Variants in SPATS2L observed in about 807,000 individuals in gnomAD.
The protein encoded by SPATS2L is spermatogenesis associated serine rich 2 like, also known as SPATS2-like protein.
A neutral mutation model predicts 59.6 loss-of-function variants in SPATS2L; 30 were observed. That is an observed-to-expected ratio of 0.50 (90% CI 0.38 to 0.68). The LOEUF is 0.68. Among genes scored for constraint, SPATS2L ranks in the 30% least tolerant of loss-of-function variants. The pLI is 0.00. For synonymous variants in SPATS2L, 252 were observed against 263.5 expected (o/e 0.96, Z 0.42); for missense variants, 615 against 700.0 (o/e 0.88, Z 1.37).
chr2:200,386,519 G>C (rs1245307258), intron 2 of SPATS2L, among the ~76,000 whole-genome samples: 1 of 152,146 alleles, frequency 6.6e-6, no homozygotes, highest in Non-Finnish European at 1.5e-5. Context: ...CACGTCTTCA[G>C]ATCTCATAAA....
chr2:200,423,012 G>A (rs1265023572), intron 6 of SPATS2L, among the ~76,000 whole-genome samples: 4 of 152,174 alleles, frequency 2.6e-5, no homozygotes, highest in Non-Finnish European at 5.9e-5. Context: ...CTAAAGTGAC[G>A]AGTGGGCAGG....
intron 8 of SPATS2L, among the ~76,000 whole-genome samples, chr2:200,446,838 C>A (rs747017198): frequency 1.3e-5 from 2 of 152,182 alleles, no homozygotes; most frequent in Non-Finnish European, 2.9e-5. Context: ...CATTTCATAA[C>A]AGTGCAGCAG....
intron 2 of SPATS2L, among the ~76,000 whole-genome samples, chr2:200,345,288 G>A (rs1193526231): frequency 6.6e-6 from 1 of 152,104 alleles, no homozygotes; most frequent in African/African-American, 2.4e-5. Flanking sequence ...TTCTGCATAT[G>A]GCTAGCCAGT....
chr2:200,306,705 G>A lies in SPATS2L; in HGVS notation c.-290G>A. On this transcript the variant is annotated 5_prime_UTR_variant, in exon 1 of 13. Coordinates refer to ENST00000409140, the MANE Select transcript of SPATS2L (RefSeq NM_001100423.2). ...GCGGCCGAGCCGGAGTTGTGTCAGT[G>A]AAGGAATCCAGTCCGGGGGCCGAGC... The A allele has an allele frequency of 1.0e-6, 1 of 984,568 alleles. No homozygotes were observed. The highest frequency in any genetic ancestry group is 1.2e-4 in the East Asian group (1 of 8,592). The allele number at this position is 984,568 out of a possible 1,614,324, so 61.0% of individuals were successfully genotyped here. A position where few individuals can be genotyped will look rare whatever the true frequency, so the allele number is the denominator to read the frequency against.
chr2:200,306,218 G>A (rs2105728063), upstream of SPATS2L: 2 of 1,002,154 alleles, frequency 2.0e-6, no homozygotes, highest in East Asian at 1.1e-4. Context: ...TCTCCAGAAA[G>A]CATTACTACC....
intron 1 of SPATS2L, among the ~76,000 whole-genome samples, chr2:200,316,217 G>T (rs2079373194): frequency 6.6e-6 from 1 of 152,106 alleles, no homozygotes; most frequent in South Asian, 2.1e-4. Flanking sequence ...AATCTGATAG[G>T]CAGTGTGACT....
intron 2 of SPATS2L, among the ~76,000 whole-genome samples, chr2:200,360,635 A>T (rs1027331811): frequency 5.3e-5 from 8 of 152,052 alleles, no homozygotes; most frequent in Non-Finnish European, 1.2e-4. Context: ...TCCTTGGGGG[A>T]GGGGAAGCAG....
intron 2 of SPATS2L, among the ~76,000 whole-genome samples, chr2:200,364,534 C>G (rs2081209012): frequency 6.6e-6 from 1 of 152,176 alleles, no homozygotes; most frequent in Admixed American, 6.5e-5. Context: ...GGCCCAGTCA[C>G]TTTAAGGGGA....
chr2:200,421,084 T>A (rs2083291122), intron 6 of SPATS2L, among the ~76,000 whole-genome samples: 2 of 152,202 alleles, frequency 1.3e-5, no homozygotes, highest in African/African-American at 4.8e-5. Context: ...CAGAGCACTG[T>A]GCTAGATGCC....
chr2:200,339,528 A>G (rs1412466445), intron 2 of SPATS2L, among the ~76,000 whole-genome samples: 1 of 152,200 alleles, frequency 6.6e-6, no homozygotes, highest in Non-Finnish European at 1.5e-5. Flanking sequence ...AACATAAATT[A>G]TATTTAATTA....
At chr2:200,340,993 G>A (rs1192127547) in intron 2 of SPATS2L, among the ~76,000 whole-genome samples, 1 of 152,126 alleles carries the variant, frequency 6.6e-6, no homozygotes, top group Non-Finnish European at 1.5e-5. Context: ...TAAGGATAGC[G>A]CTTGTGGCCC....
chr2:200,410,025 T>A (rs1017559023), intron 3 of SPATS2L, among the ~76,000 whole-genome samples: 3 of 152,148 alleles, frequency 2.0e-5, no homozygotes, highest in Admixed American at 2.0e-4. Flanking sequence ...TATTCCATAA[T>A]TCTGGGTCTT....
chr2:200,429,396 C>G (rs893830611), intron 6 of SPATS2L, among the ~76,000 whole-genome samples: 1 of 152,124 alleles, frequency 6.6e-6, no homozygotes, highest in East Asian at 1.9e-4. Context: ...CTAGGGGAGG[C>G]CCCCAAGCCA....
At chr2:200,448,237 T>C (rs1315643287) in intron 8 of SPATS2L, among the ~76,000 whole-genome samples, 2 of 151,978 alleles carry the variant, frequency 1.3e-5, no homozygotes, top group Non-Finnish European at 2.9e-5. Context: ...AGGTCAGGAG[T>C]TAGAGACCAG....
intron 2 of SPATS2L, among the ~76,000 whole-genome samples, chr2:200,355,932 A>G (rs2105856430): frequency 6.6e-6 from 1 of 152,358 alleles, no homozygotes; most frequent in East Asian, 1.9e-4. Context: ...GATTAAGATT[A>G]TCGTGTGTAC....
chr2:200,379,903 C>T (rs2081742686), intron 2 of SPATS2L, among the ~76,000 whole-genome samples: 1 of 152,134 alleles, frequency 6.6e-6, no homozygotes, highest in African/African-American at 2.4e-5. Context: ...AATTGAGTTG[C>T]TGATACAAGT....
At chr2:200,427,655 A>T (rs866822203) in intron 6 of SPATS2L, among the ~76,000 whole-genome samples, 1 of 152,044 alleles carries the variant, frequency 6.6e-6, no homozygotes, top group Admixed American at 6.6e-5. Context: ...ATCAAGCTTC[A>T]TAGGATTTGA....
At chr2:200,425,608 T>C (rs375305598) in intron 6 of SPATS2L, among the ~76,000 whole-genome samples, 24 of 152,212 alleles carry the variant, frequency 1.6e-4, no homozygotes, top group African/African-American at 5.8e-4. Context: ...AAATGAGATA[T>C]ATAAAGTGAT....
chr2:200,428,067 CAAAAACAAA>C (rs1481059190), intron 6 of SPATS2L, among the ~76,000 whole-genome samples: 4 of 111,380 alleles, frequency 3.6e-5, no homozygotes, highest in Non-Finnish European at 7.7e-5. Flanking sequence ...GACCGTGTCT[CAAAAACAAA>C]AAAAAAAAGG....
Sources: gnomAD v4.1 joint callset for allele counts (sites outside exome capture counted in the v4.1 genomes callset) on GRCh38, gnomAD v4.1.1 for gene constraint, MANE v1.5 for transcripts, NCBI Gene and HGNC (gene_info 2026-07-23, HGNC 2026-07-21) for gene names.